Variants in SEMA3A observed in about 807,000 individuals in gnomAD.
SEMA3A encodes semaphorin 3A.
Under a neutral mutation model 97.9 loss-of-function variants are expected in SEMA3A, and 29 were observed. That is an observed-to-expected ratio of 0.30 (90% CI 0.22 to 0.40). The LOEUF is 0.40. Among genes scored for constraint, SEMA3A ranks in the 10% least tolerant of loss-of-function variants. The pLI is 1.00. For missense variants in SEMA3A, 763 were observed against 951.3 expected, an observed-to-expected ratio of 0.80 and a Z score of 2.60; for synonymous variants, 321 against 323.7, an observed-to-expected ratio of 0.99 and a Z score of 0.09.
intron 3 of SEMA3A, among the ~76,000 whole-genome samples, chr7:84,258,872 A>G (rs2115649582): frequency 6.6e-6 from 1 of 151,648 alleles, no homozygotes; most frequent in East Asian, 1.9e-4. Flanking sequence ...TCCAAAACCA[A>G]CACTCTAGGG....
At chr7:84,280,632 A>C (rs1800418700) in intron 3 of SEMA3A, among the ~76,000 whole-genome samples, 1 of 151,952 alleles carries the variant, frequency 6.6e-6, no homozygotes, top group African/African-American at 2.4e-5. Context: ...AAAAATACAA[A>C]AATTAGCTGG....
chr7:84,171,154 A>G (rs1368011659), intron 1 of SEMA3A, among the ~76,000 whole-genome samples: 2 of 152,148 alleles, frequency 1.3e-5, no homozygotes, highest in Non-Finnish European at 1.5e-5. Flanking sequence ...TATTTCAATT[A>G]GAGTACAAAA....
chr7:84,260,107 A>C (rs1799814199), intron 3 of SEMA3A, among the ~76,000 whole-genome samples: 1 of 152,198 alleles, frequency 6.6e-6, no homozygotes, highest in African/African-American at 2.4e-5. Context: ...CTGAGTGAAC[A>C]AGTAAATGAA....
chr7:84,487,533 AAG>A (rs1806605938), intron 1 of SEMA3A, among the ~76,000 whole-genome samples: 1 of 152,162 alleles, frequency 6.6e-6, no homozygotes, highest in Non-Finnish European at 1.5e-5. Context: ...TAAGAACAGA[AAG>A]AGGGAGAGAA....
intron 6 of SEMA3A, among the ~76,000 whole-genome samples, chr7:84,036,585 G>A (rs1791947387): frequency 6.6e-6 from 1 of 151,858 alleles, no homozygotes; most frequent in South Asian, 2.1e-4. Context: ...TTGAATGAGA[G>A]GAGAAGAGAC....
Position 83,961,557 on chromosome 7 carries a change from G to A in SEMA3A, c.2130C>T (p.Ile710=), listed in dbSNP as rs779340455. The A allele has an allele frequency of 1.2e-5, 20 of 1,614,004 alleles. No homozygotes were observed. The highest frequency in any genetic ancestry group is 1.4e-5 in the Non-Finnish European group (16 of 1,179,984). ...KVWYRDFMQL[I]NHPNLNTMDE... ...CCATTGTGTTGAGATTGGGGTGGTT[G>A]ATGAGCTGCATGAAGTCTCTGTACC... Residue 710 remains isoleucine (I), a synonymous_variant, in exon 17 of 17, where the codon ATC becomes ATT. Coordinates refer to ENST00000265362, the MANE Select transcript of SEMA3A (RefSeq NM_006080.3).
intron 3 of SEMA3A, among the ~76,000 whole-genome samples, chr7:84,271,675 C>T (rs1447373386): frequency 2.6e-5 from 4 of 151,982 alleles, no homozygotes; most frequent in Admixed American, 2.6e-4. Context: ...TTACATAAGC[C>T]ACCAACTCTC....
chr7:84,197,094 C>T (rs1169223645), upstream of SEMA3A, among the ~76,000 whole-genome samples: 1 of 151,920 alleles, frequency 6.6e-6, no homozygotes, highest in Non-Finnish European at 1.5e-5. Flanking sequence ...GATTTTGAAC[C>T]ACAAAATCAG....
intron 3 of SEMA3A, among the ~76,000 whole-genome samples, chr7:84,274,305 CT>C (rs1800235324): frequency 6.6e-6 from 1 of 152,066 alleles, no homozygotes; most frequent in African/African-American, 2.4e-5. Context: ...TCTGCCTTTC[CT>C]TTGGTCAGTA....
chr7:84,418,272 T>C (rs1804487609), intron 1 of SEMA3A, among the ~76,000 whole-genome samples: 1 of 152,096 alleles, frequency 6.6e-6, no homozygotes, highest in Non-Finnish European at 1.5e-5. Context: ...TGATGACAGA[T>C]GAATGAGGAG....
At chr7:84,132,601 C>A (rs534050992) in intron 2 of SEMA3A, among the ~76,000 whole-genome samples, 1 of 144,388 alleles carries the variant, frequency 6.9e-6, no homozygotes, top group Non-Finnish European at 1.5e-5. Flanking sequence ...TAAATACCTA[C>A]AATTTTAACT....
chr7:84,028,999 C>A (rs1791646794), intron 6 of SEMA3A, among the ~76,000 whole-genome samples: 1 of 152,168 alleles, frequency 6.6e-6, no homozygotes, highest in African/African-American at 2.4e-5. Flanking sequence ...TGATTCCCAT[C>A]CTGATATCTC....
At chr7:83,987,699 C>T (rs898457030) in intron 12 of SEMA3A, among the ~76,000 whole-genome samples, 4 of 152,210 alleles carry the variant, frequency 2.6e-5, no homozygotes, top group Non-Finnish European at 5.9e-5. Context: ...CAATGTTCCT[C>T]TTTCTCTCCT....
At chr7:84,129,823 A>G (rs1450702660) in intron 2 of SEMA3A, among the ~76,000 whole-genome samples, 1 of 152,022 alleles carries the variant, frequency 6.6e-6, no homozygotes, top group Non-Finnish European at 1.5e-5. Context: ...TCTAAAAGAC[A>G]ATCACCCTCT....
intron 2 of SEMA3A, among the ~76,000 whole-genome samples, chr7:84,325,797 T>C (rs1324662793): frequency 6.6e-6 from 1 of 152,144 alleles, no homozygotes; most frequent in Non-Finnish European, 1.5e-5. Flanking sequence ...ATACATTGTT[T>C]AATGATTATC....
chr7:84,017,276 A>G (rs934590161), intron 6 of SEMA3A, among the ~76,000 whole-genome samples: 1 of 152,140 alleles, frequency 6.6e-6, no homozygotes, highest in Non-Finnish European at 1.5e-5. Context: ...ACAAATGTGG[A>G]CTCTAGTGGG....
At chr7:84,304,309 A>G (rs1435546525) in intron 3 of SEMA3A, among the ~76,000 whole-genome samples, 1 of 152,142 alleles carries the variant, frequency 6.6e-6, no homozygotes, top group Non-Finnish European at 1.5e-5. Context: ...TTTGAAGTCC[A>G]TAAGGTCTCC....
chr7:84,474,046 T>C (rs958266756), intron 1 of SEMA3A, among the ~76,000 whole-genome samples: 8 of 152,168 alleles, frequency 5.3e-5, no homozygotes, highest in African/African-American at 1.7e-4. Context: ...TCTCATCTAC[T>C]AAGAAGTGGG....
chr7:83,965,391 C>T (rs1392539509), intron 15 of SEMA3A, among the ~76,000 whole-genome samples: 1 of 151,350 alleles, frequency 6.6e-6, no homozygotes, highest in Non-Finnish European at 1.5e-5. Flanking sequence ...TCTCCTTTAT[C>T]AACAGCCATG....
Sources: allele counts gnomAD v4.1 joint callset (sites outside exome capture counted in the v4.1 genomes callset), GRCh38; gene constraint gnomAD v4.1.1; transcripts MANE v1.5; gene names NCBI Gene and HGNC (gene_info 2026-07-23, HGNC 2026-07-21).